Variants in NPEPL1 observed in about 807,000 individuals in gnomAD.
NPEPL1 encodes aminopeptidase like 1.
A neutral mutation model predicts 52.4 loss-of-function variants in NPEPL1; 45 were observed. That is an observed-to-expected ratio of 0.86 (90% CI 0.68 to 1.10). NPEPL1 has a LOEUF of 1.10. Ranked by LOEUF, NPEPL1 falls within the 50% of genes least tolerant of loss-of-function variation. The pLI, the probability that NPEPL1 is intolerant of heterozygous loss-of-function variation, is 0.00. For synonymous variants in NPEPL1, 360 were observed against 314.7 expected (o/e 1.14, Z -1.52); for missense variants, 696 against 710.9 (o/e 0.98, Z 0.24).
chr20:58,713,859 T>G lies in NPEPL1; in HGVS notation c.1126-58T>G. 7.1e-7 allele frequency: 1 copy of G among 1,405,746 alleles called. No individual in the cohort carries two copies. The highest frequency in any genetic ancestry group is 9.3e-7 in the Non-Finnish European group (1 of 1,081,066). 87.1% of individuals were successfully genotyped at this position (1,405,746 alleles called of 1,614,324 possible). A position where few individuals can be genotyped will look rare whatever the true frequency, so the allele number is the denominator to read the frequency against. On this transcript the variant is annotated intron_variant, in intron 9 of 11. Transcript: ENST00000356091. The surrounding 1 kb of genome is among the most constrained non-coding windows in gnomAD (Gnocchi z 4.6). Reference sequence around the variant, plus strand: ...TCTGCCTCCCGGTCCCTCTTTTGCCTTGGGTGTTTCTCTCCTGCCGTCCCG... The same window carrying G: ...TCTGCCTCCCGGTCCCTCTTTTGCCGTGGGTGTTTCTCTCCTGCCGTCCCG...
At chr20:58,707,047 G>T (rs1347422579) in intron 6 of NPEPL1, 76 bp from the exon 7 acceptor site, 4 of 1,431,886 alleles carry the variant, frequency 2.8e-6, no homozygotes, top group Non-Finnish European at 3.8e-6. Context: ...GGGGCCGGGT[G>T]GGGGTGGGGG....
At position 58,693,836 on chromosome 20, in the gene NPEPL1, A is replaced by T. The variant is rs1193357614; in HGVS notation, c.250A>T (p.Ser84Cys). 1 of 1,613,656 alleles carries T rather than the reference A, an allele frequency of 6.2e-7. No homozygotes were observed. Among genetic ancestry groups the T allele is most frequent in the Non-Finnish European group, 8.5e-7 (1 of 1,179,800 alleles). The change falls in exon 2 of 12, where the codon AGC becomes TGC. Residue 84 changes from serine (S) to cysteine (C), a missense_variant. Transcript: ENST00000356091. ...CGTGGCTGCCCTGCCCTGCAGGGTGAGCCGGCACAACAGCCCCTCGGCCGC... is the reference window on the plus strand; with the variant it reads ...CGTGGCTGCCCTGCCCTGCAGGGTGTGCCGGCACAACAGCCCCTCGGCCGC... ...ATVAALPCRV[S>C]RHNSPSAAHF...
intron 5 of NPEPL1, among the ~76,000 whole-genome samples, chr20:58,700,159 CG>C (rs1475611610): frequency 6.6e-6 from 1 of 152,228 alleles, no homozygotes; most frequent in African/African-American, 2.4e-5. Flanking sequence ...GGATAAAGAG[CG>C]AGCAAACAAG....
chr20:58,693,799 G>A lies in NPEPL1; in HGVS notation c.213G>A (p.Leu71=). Residue 71 remains leucine, a synonymous_variant, in exon 2 of 12, where the codon CTG becomes CTA. Transcript: ENST00000356091. ...PNPTDSCPLY[L]NYATVAALPC... ...CCACGGACAGCTGTCCCCTCTACCTGAACTACGCCACCGTGGCTGCCCTGC... is the reference window on the plus strand; with the variant it reads ...CCACGGACAGCTGTCCCCTCTACCTAAACTACGCCACCGTGGCTGCCCTGC... The A allele has an allele frequency of 6.2e-7, 1 of 1,613,774 alleles. No individual in the cohort carries two copies. Among genetic ancestry groups the A allele is most frequent in the Non-Finnish European group, 8.5e-7 (1 of 1,179,768 alleles).
At position 58,713,206 on chromosome 20, in the gene NPEPL1, C is replaced by T. The variant is rs1568861682; in HGVS notation, c.1002-214C>T. The T allele has an allele frequency of 1.5e-5, 8 of 544,932 alleles. No homozygotes were observed. The highest frequency in any genetic ancestry group is 6.5e-5 in the Admixed American group (2 of 30,736). The allele number at this position is 544,932 out of a possible 1,614,324, so 33.8% of individuals were successfully genotyped here. ...GCTGGTCTCTGGCTCTCCAGAGCAG[C>T]GGGGCAGGGATGTCACCTGGAAGCC... On this transcript the variant is annotated intron_variant, in intron 8 of 11. Coordinates refer to ENST00000356091, the MANE Select transcript of NPEPL1 (RefSeq NM_024663.4). This position sits in a 1 kb window ranked among gnomAD's most constrained non-coding sequence, Gnocchi z 4.6.
Position 58,713,798 on chromosome 20 carries a change from C to T in NPEPL1, c.1126-119C>T, listed in dbSNP as rs575539595. On this transcript the variant is annotated intron_variant, in intron 9 of 11. Coordinates refer to ENST00000356091, the MANE Select transcript of NPEPL1 (RefSeq NM_024663.4). This position sits in a 1 kb window ranked among gnomAD's most constrained non-coding sequence, Gnocchi z 4.6. ...TTCTGCCTGTGTTTTTTCTTTTTTT[C>T]TCAACCGTCTCTTTTCTGGCTCCCT... 904 of 1,228,244 alleles carry T rather than the reference C, an allele frequency of 7.4e-4. 15 individuals carry two copies. The South Asian group carries it at 0.016, about 21-fold the overall frequency. The allele number at this position is 1,228,244 out of a possible 1,614,324, so 76.1% of individuals were successfully genotyped here.
intron 5 of NPEPL1, 102 bp from the exon 6 acceptor site, chr20:58,700,914 C>A: frequency 8.0e-7 from 1 of 1,256,692 alleles, no homozygotes; most frequent in Non-Finnish European, 1.0e-6. Flanking sequence ...GCAGGCGGCT[C>A]TCCAGGAGAA....
At chr20:58,694,700 C>G in intron 3 of NPEPL1, 108 bp downstream of exon 3, 1 of 1,198,280 alleles carries the variant, frequency 8.3e-7, no homozygotes, top group Non-Finnish European at 1.1e-6. Context: ...GAGGGGGTTC[C>G]TGCCCTTCCC....
rs1376403229 is a variant in NPEPL1, at chr20:58,693,883, G to A, written c.297G>A (p.Val99=). 1 of 1,612,358 alleles carries A rather than the reference G, an allele frequency of 6.2e-7. No homozygotes were observed. The change falls in exon 2 of 12, where the codon GTG becomes GTA. Residue 99 remains valine, a synonymous_variant. Coordinates refer to ENST00000356091, the MANE Select transcript of NPEPL1 (RefSeq NM_024663.4). ...CCGCCCACTTCATCACGCGGCTGGT[G>A]CGGACCTGCCTGCCGCCCGGAGCGC... ...PSAAHFITRL[V]RTCLPPGAHR... is the part of the protein sequence containing the mutation.
intron 3 of NPEPL1, 117 bp from the exon 4 acceptor site, chr20:58,698,567 C>A: frequency 1.2e-6 from 1 of 835,760 alleles, no homozygotes; most frequent in Non-Finnish European, 2.0e-6. Context: ...TCTTTGCTGC[C>A]CTGTCAGTAG....
upstream of NPEPL1, chr20:58,692,643 A>AGGGCCTGCTCGGGGCCGGCTTC (rs2084374094): frequency 4.6e-6 from 1 of 217,606 alleles, no homozygotes; most frequent in African/African-American, 2.4e-5. This position sits in a 1 kb window ranked among gnomAD's most constrained non-coding sequence, Gnocchi z 5.7. Context: ...CCTACTCGGC[A>AGGGCCTGCTCGGGGCCGGCTTC]GGGCCTGCTC....
chr20:58,711,096 T>TCCCCCCCC (rs2084828910), intron 7 of NPEPL1: 1 of 43,078 alleles, frequency 2.3e-5, no homozygotes, highest in African/African-American at 1.3e-4. Flanking sequence ...CCTCCTCTCC[T>TCCCCCCCC]CCTCCTCCTC....
At chr20:58,698,855 G>T in intron 4 of NPEPL1, 82 bp downstream of exon 4, 1 of 1,210,228 alleles carries the variant, frequency 8.3e-7, no homozygotes. Flanking sequence ...GGAAACCTGG[G>T]GCTGTCCACA....
intron 6 of NPEPL1, chr20:58,703,621 G>A (rs2084679705): frequency 2.0e-6 from 2 of 985,142 alleles, no homozygotes; most frequent in Non-Finnish European, 2.4e-6. Context: ...GAATTCATTC[G>A]TTTGCTTGTG....
intron 3 of NPEPL1, among the ~76,000 whole-genome samples, chr20:58,696,529 G>A (rs1260029314): frequency 6.6e-6 from 1 of 152,242 alleles, no homozygotes; most frequent in African/African-American, 2.4e-5. Context: ...ACCAGTGGGG[G>A]CAGTCAGTCC....
At chr20:58,699,350 C>G in intron 5 of NPEPL1, 72 bp downstream of exon 5, 4 of 1,143,390 alleles carry the variant, frequency 3.5e-6, no homozygotes, top group Non-Finnish European at 5.0e-6. Flanking sequence ...GGCAGGGGGT[C>G]GGCGGGCCAC....
intron 6 of NPEPL1, among the ~76,000 whole-genome samples, chr20:58,706,647 C>T (rs2084736985): frequency 6.6e-6 from 1 of 151,978 alleles, no homozygotes; most frequent in Non-Finnish European, 1.5e-5. Flanking sequence ...CCCAGAGGCT[C>T]CCTGGACCTC....
chr20:58,709,139 G>A (rs796692380), intron 7 of NPEPL1, among the ~76,000 whole-genome samples: 4 of 152,016 alleles, frequency 2.6e-5, no homozygotes, highest in African/African-American at 9.6e-5. Flanking sequence ...AGGTGGAGGA[G>A]CACCTCTAGA....
At position 58,694,403 on chromosome 20, in the gene NPEPL1, G is replaced by A. The variant is rs767017052; in HGVS notation, c.337-19G>A. On this transcript the variant is annotated intron_variant, in intron 2 of 11. Transcript: ENST00000356091. The stretch of plus-strand genomic sequence containing the variant: ...TGGCGGCCCTTGCACCCCTCACGCC[G>A]TCTCCCTATGTGCCACAGATGGTCT... The A allele has an allele frequency of 2.2e-5, 35 of 1,591,264 alleles. 2 individuals are homozygous for A. Among genetic ancestry groups the A allele is most frequent in the Middle Eastern group, 1.7e-4 (1 of 5,880 alleles).
Sources: gnomAD v4.1 joint callset for allele counts (sites outside exome capture counted in the v4.1 genomes callset) on GRCh38, gnomAD v4.1.1 for gene constraint, Gnocchi (gnomAD v3.1) non-coding constraint, MANE v1.5 for transcripts, NCBI Gene and HGNC (gene_info 2026-07-23, HGNC 2026-07-21) for gene names.